NOS1AP: variants seen among roughly 807,000 people sequenced by gnomAD.
The protein encoded by NOS1AP is carboxyl-terminal PDZ ligand of neuronal nitric oxide synthase protein.
In NOS1AP, 21 loss-of-function variants were observed where a neutral mutation model predicts 56.2. That is an observed-to-expected ratio of 0.37 (90% CI 0.26 to 0.54). The LOEUF is 0.54. Ranked by LOEUF, NOS1AP falls within the 20% of genes least tolerant of loss-of-function variation. The pLI is 0.84. For synonymous variants in NOS1AP, 270 were observed against 274.6 expected, an observed-to-expected ratio of 0.98 and a Z score of 0.17; for missense variants, 522 against 657.8, an observed-to-expected ratio of 0.79 and a Z score of 2.26.
At chr1:162,094,968 G>A (rs1692206147) in intron 1 of NOS1AP, among the ~76,000 whole-genome samples, 2 of 152,194 alleles carry the variant, frequency 1.3e-5, no homozygotes, top group Non-Finnish European at 2.9e-5. Flanking sequence ...TGGAGCAGCT[G>A]GCTTTAAGTC....
intron 2 of NOS1AP, among the ~76,000 whole-genome samples, chr1:162,276,319 C>T (rs1654732681): frequency 6.6e-6 from 1 of 152,092 alleles, no homozygotes; most frequent in Admixed American, 6.6e-5. Flanking sequence ...TTGGAGTTAC[C>T]TATGGTGATG....
intron 2 of NOS1AP, among the ~76,000 whole-genome samples, chr1:162,261,506 GA>G (rs1259175317): frequency 0.036 from 668 of 18,644 alleles, 283 homozygotes; most frequent in Non-Finnish European, 0.061. Flanking sequence ...GAGAGAGAGA[GA>G]GAGAGAGAGA....
chr1:162,135,409 A>G (rs1450322280), intron 1 of NOS1AP, among the ~76,000 whole-genome samples: 1 of 152,124 alleles, frequency 6.6e-6, no homozygotes, highest in Non-Finnish European at 1.5e-5. Context: ...TGGGAAGATG[A>G]ATTTATTTCT....
intron 1 of NOS1AP, among the ~76,000 whole-genome samples, chr1:162,144,819 C>T (rs1444512183): frequency 6.6e-6 from 1 of 152,208 alleles, no homozygotes; most frequent in African/African-American, 2.4e-5. Flanking sequence ...CTGTACCCCT[C>T]AGATCCTCAT....
At chr1:162,185,287 A>ACTGTT (rs1006163746) in intron 2 of NOS1AP, among the ~76,000 whole-genome samples, 16 of 152,278 alleles carry the variant, frequency 1.1e-4, no homozygotes, top group Admixed American at 3.3e-4. Flanking sequence ...TAACATGTTC[A>ACTGTT]CTGTTCTGGG....
intron 2 of NOS1AP, among the ~76,000 whole-genome samples, chr1:162,195,067 G>T (rs1214257203): frequency 6.6e-6 from 1 of 152,126 alleles, no homozygotes; most frequent in Non-Finnish European, 1.5e-5. Flanking sequence ...AAGCCGCTTA[G>T]CAGTTCTGTG....
intron 7 of NOS1AP, among the ~76,000 whole-genome samples, chr1:162,356,578 A>G (rs925237608): frequency 1.3e-5 from 2 of 152,108 alleles, no homozygotes; most frequent in Non-Finnish European, 2.9e-5. Flanking sequence ...CCTTCCTGTT[A>G]TCATGGTAGG....
At chr1:162,100,409 T>C (rs1275011890) in intron 1 of NOS1AP, among the ~76,000 whole-genome samples, 2 of 152,368 alleles carry the variant, frequency 1.3e-5, no homozygotes, top group East Asian at 3.9e-4. Context: ...TTTCATGCGT[T>C]TTTTGGCTGC....
intron 4 of NOS1AP, among the ~76,000 whole-genome samples, chr1:162,328,358 G>C (rs1656661128): frequency 6.6e-6 from 1 of 152,114 alleles, no homozygotes; most frequent in Non-Finnish European, 1.5e-5. Context: ...ATGTACCCCG[G>C]AACTTAAAAT....
chr1:162,282,759 G>T (rs1481466776), intron 2 of NOS1AP, among the ~76,000 whole-genome samples: 2 of 152,220 alleles, frequency 1.3e-5, no homozygotes, highest in African/African-American at 4.8e-5. Context: ...AAGAAGCGAA[G>T]CTCCAAAGCT....
At chr1:162,080,596 G>T (rs927967084) in intron 1 of NOS1AP, among the ~76,000 whole-genome samples, 69 of 152,324 alleles carry the variant, frequency 4.5e-4, no homozygotes, top group African/African-American at 1.6e-3. Flanking sequence ...TGGGGAGAGA[G>T]AAAGGAGACA....
chr1:162,104,778 C>G (rs1165308019), intron 1 of NOS1AP, among the ~76,000 whole-genome samples: 2 of 152,132 alleles, frequency 1.3e-5, no homozygotes, highest in Non-Finnish European at 2.9e-5. Context: ...CCTCTCTAAC[C>G]TGCCTATTGT....
intron 1 of NOS1AP, among the ~76,000 whole-genome samples, chr1:162,108,758 A>C (rs1161802043): frequency 1.3e-5 from 2 of 152,236 alleles, no homozygotes; most frequent in Non-Finnish European, 2.9e-5. Context: ...AATGTGTTAA[A>C]TAAAACTATG....
At chr1:162,264,513 T>G (rs1426244299) in intron 2 of NOS1AP, among the ~76,000 whole-genome samples, 1 of 105,020 alleles carries the variant, frequency 9.5e-6, no homozygotes, top group Non-Finnish European at 1.9e-5. Flanking sequence ...CCTCTCTTCT[T>G]TTCTTTTTTT....
intron 8 of NOS1AP, among the ~76,000 whole-genome samples, chr1:162,357,979 G>T (rs12060426): frequency 6.6e-6 from 1 of 152,152 alleles, no homozygotes; most frequent in African/African-American, 2.4e-5. Context: ...GAGGCGAGAG[G>T]CAGGGTCAGG....
At chr1:162,293,596 G>A (rs1292797808) in intron 3 of NOS1AP, among the ~76,000 whole-genome samples, 1 of 152,198 alleles carries the variant, frequency 6.6e-6, no homozygotes, top group African/African-American at 2.4e-5. Flanking sequence ...GCACTCAACA[G>A]ATTAAGGAAA....
At chr1:162,106,441 A>C (rs1378760044) in intron 1 of NOS1AP, among the ~76,000 whole-genome samples, 1 of 151,948 alleles carries the variant, frequency 6.6e-6, no homozygotes, top group Non-Finnish European at 1.5e-5. Flanking sequence ...TCTTTTAAAA[A>C]CTTACATTTT....
chr1:162,296,140 A>G (rs1655450303), intron 3 of NOS1AP, among the ~76,000 whole-genome samples: 1 of 152,116 alleles, frequency 6.6e-6, no homozygotes, highest in Non-Finnish European at 1.5e-5. Flanking sequence ...TACAAAAATT[A>G]GCTGGGCATG....
intron 4 of NOS1AP, among the ~76,000 whole-genome samples, chr1:162,310,272 T>C (rs970430844): frequency 2.0e-5 from 3 of 152,182 alleles, no homozygotes; most frequent in African/African-American, 7.2e-5. Context: ...TCTCTTTTGC[T>C]CTCTGTGTGG....
Sources: gnomAD v4.1 joint callset for allele counts (sites outside exome capture counted in the v4.1 genomes callset) on GRCh38, gnomAD v4.1.1 for gene constraint, MANE v1.5 for transcripts, NCBI Gene and HGNC (gene_info 2026-07-23, HGNC 2026-07-21) for gene names.